IDE: variants seen among roughly 807,000 people sequenced by gnomAD.
IDE encodes the protein insulin degrading enzyme.
A neutral mutation model predicts 133.2 loss-of-function variants in IDE; 58 were observed. That is an observed-to-expected ratio of 0.44 (90% CI 0.35 to 0.54). IDE has a LOEUF of 0.54. Ranked by LOEUF, IDE falls within the 20% of genes least tolerant of loss-of-function variation. The pLI is 0.00. For missense variants in IDE, 981 were observed against 1,234.0 expected (o/e 0.79, Z 3.07); for synonymous variants, 396 against 421.3 (o/e 0.94, Z 0.73).
chr10:92,525,735 C>T (rs1269909230), intron 4 of IDE, among the ~76,000 whole-genome samples: 1 of 133,776 alleles, frequency 7.5e-6, no homozygotes, highest in Non-Finnish European at 1.6e-5. Flanking sequence ...TTTCTATATG[C>T]CAACAGTGAA....
chr10:92,511,417 T>C (rs1848623638), intron 5 of IDE, among the ~76,000 whole-genome samples: 1 of 152,162 alleles, frequency 6.6e-6, no homozygotes, highest in Admixed American at 6.5e-5. Flanking sequence ...CCTGTCTTTT[T>C]ATAAACAAGA....
intron 11 of IDE, among the ~76,000 whole-genome samples, chr10:92,502,711 C>T (rs1425122284): frequency 6.6e-6 from 1 of 152,192 alleles, no homozygotes; most frequent in Non-Finnish European, 1.5e-5. Flanking sequence ...CTACAACTTT[C>T]TCTGTTGTTC....
intron 18 of IDE, 137 bp from the exon 19 acceptor site, chr10:92,469,127 T>C: frequency 3.3e-6 from 2 of 601,854 alleles, no homozygotes. Flanking sequence ...GGATAAAAAT[T>C]GAATTTGTCA....
In IDE at chr10:92,504,783, T is replaced by C. The variant is rs1351987184; in HGVS notation, c.1430+11A>G. ...TTAGTGTATAATAGTAAAATCTGTATGGTGACTCACCGGACATTTTCTGGT... is the reference window on the plus strand; with the variant it reads ...TTAGTGTATAATAGTAAAATCTGTACGGTGACTCACCGGACATTTTCTGGT... On this transcript the variant is annotated intron_variant, in intron 11 of 24. Transcript: ENST00000265986. 7.1e-7 allele frequency: 1 copy of C among 1,406,838 alleles called. No individual in the cohort carries two copies. Among genetic ancestry groups the C allele is most frequent in the Non-Finnish European group, 1.0e-6 (1 of 995,476 alleles). The allele number at this position is 1,406,838 out of a possible 1,614,324, so 87.1% of individuals were successfully genotyped here. A position where few individuals can be genotyped will look rare whatever the true frequency, so the allele number is the denominator to read the frequency against.
chr10:92,546,407 C>T (rs1245995478), intron 1 of IDE, among the ~76,000 whole-genome samples: 1 of 152,048 alleles, frequency 6.6e-6, no homozygotes, highest in Non-Finnish European at 1.5e-5. Context: ...TATCATAAAA[C>T]ACAGTAAAAT....
At chr10:92,543,995 G>A (rs575388314) in intron 1 of IDE, among the ~76,000 whole-genome samples, 2 of 152,314 alleles carry the variant, frequency 1.3e-5, no homozygotes, top group Admixed American at 6.5e-5. Context: ...CACTTTGGGA[G>A]GCCGAGGTGG....
chr10:92,463,946 A>G lies in IDE; in HGVS notation c.2546T>C (p.Ile849Thr), dbSNP rs1845535342. The G allele has an allele frequency of 6.2e-7, 1 of 1,614,062 alleles. No individual in the cohort carries two copies. The highest frequency in any genetic ancestry group is 1.3e-5 in the African/African-American group (1 of 74,936). The change falls in exon 21 of 25, where the codon ATC (isoleucine) becomes ACC (threonine). Residue 849 changes from isoleucine to threonine, a missense_variant. Transcript: ENST00000265986. ...GTGAGGTGGCTTTTCTGACTGGATGATGAATCTCAAGCCCTGTATGCCATT... is the reference window on the plus strand; with the variant it reads ...GTGAGGTGGCTTTTCTGACTGGATGGTGAATCTCAAGCCCTGTATGCCATT... ...RANGIQGLRFIIQSEKPPHYL... is the reference protein window; with the variant it reads ...RANGIQGLRFTIQSEKPPHYL...
intron 1 of IDE, among the ~76,000 whole-genome samples, chr10:92,545,316 A>G (rs749107389): frequency 6.6e-6 from 1 of 152,328 alleles, no homozygotes; most frequent in African/African-American, 2.4e-5. Flanking sequence ...AAAAATTAAC[A>G]TGATTCTCAA....
chr10:92,573,660 G>A (rs1843903109), intron 1 of IDE, among the ~76,000 whole-genome samples: 1 of 152,226 alleles, frequency 6.6e-6, no homozygotes, highest in South Asian at 2.1e-4. Flanking sequence ...CACGCCCCGT[G>A]GCCCCGGGTA....
At chr10:92,506,636 T>A in intron 9 of IDE, 114 bp from the exon 10 acceptor site, 3 of 490,388 alleles carry the variant, frequency 6.1e-6, no homozygotes, top group Non-Finnish European at 1.1e-5. Context: ...TTTAACTTTA[T>A]CACACTTTCT....
At chr10:92,516,201 T>A (rs1589456238) in intron 4 of IDE, among the ~76,000 whole-genome samples, 2 of 144,414 alleles carry the variant, frequency 1.4e-5, no homozygotes, top group South Asian at 2.2e-4. Context: ...AAAAAAAAAA[T>A]TATACTTCTT....
At chr10:92,526,838 C>CCT (rs887140188) in intron 4 of IDE, among the ~76,000 whole-genome samples, 2 of 145,130 alleles carry the variant, frequency 1.4e-5, no homozygotes, top group African/African-American at 5.2e-5. Flanking sequence ...AGGGTGAGGC[C>CCT]CTGTCTCAAA....
At chr10:92,501,901 G>A (rs1848045105) in intron 11 of IDE, among the ~76,000 whole-genome samples, 1 of 152,118 alleles carries the variant, frequency 6.6e-6, no homozygotes, top group Middle Eastern at 3.2e-3. Flanking sequence ...CTTGAACCTG[G>A]GAGGCGGAGG....
At position 92,514,984 on chromosome 10, in the gene IDE, C is replaced by T. The variant is rs1426489792; in HGVS notation, c.720G>A (p.Glu240=). Residue 240 remains glutamate, a synonymous_variant, in exon 5 of 25, where the codon GAG becomes GAA. Transcript: ENST00000265986. The stretch of plus-strand genomic sequence containing the variant: ...AGTAAGCAGAATGGAATTTCAGTAG[C>T]TCTTGTCTTACATCAATGCCTTCTT... ...PNQEGIDVRQ[E]LLKFHSAYYS... 6.2e-7 allele frequency: 1 copy of T among 1,610,766 alleles called. No individual in the cohort carries two copies. The highest frequency in any genetic ancestry group is 2.2e-5 in the East Asian group (1 of 44,804).
At chr10:92,455,470 G>T in intron 24 of IDE, 106 bp downstream of exon 24, 1 of 712,066 alleles carries the variant, frequency 1.4e-6, no homozygotes, top group South Asian at 1.6e-5. Flanking sequence ...GACTGAGTGA[G>T]ACTCCATTTC....
chr10:92,570,280 T>G (rs1056014387), intron 1 of IDE, among the ~76,000 whole-genome samples: 1 of 152,070 alleles, frequency 6.6e-6, no homozygotes, highest in Admixed American at 6.6e-5. Flanking sequence ...AAAGTGGAGG[T>G]GTCTAGTAAA....
chr10:92,474,532 T>C, intron 17 of IDE: 1 of 166,406 alleles, frequency 6.0e-6, no homozygotes, highest in South Asian at 1.8e-4. Flanking sequence ...ATAGAGTATA[T>C]AATGTTATTA....
At chr10:92,570,688 G>A (rs1392434236) in intron 1 of IDE, among the ~76,000 whole-genome samples, 1 of 152,058 alleles carries the variant, frequency 6.6e-6, no homozygotes, top group African/African-American at 2.4e-5. Flanking sequence ...TGGGAGGCAG[G>A]GGGATTGCTT....
chr10:92,464,370 C>T (rs940594658), intron 20 of IDE, among the ~76,000 whole-genome samples: 1 of 152,184 alleles, frequency 6.6e-6, no homozygotes, highest in East Asian at 1.9e-4. Flanking sequence ...ACAGTCCTAG[C>T]TGTGTTTCCT....
Sources: gnomAD v4.1 joint callset for allele counts (sites outside exome capture counted in the v4.1 genomes callset) on GRCh38, gnomAD v4.1.1 for gene constraint, MANE v1.5 for transcripts, NCBI Gene and HGNC (gene_info 2026-07-23, HGNC 2026-07-21) for gene names.